LRRC37A2: variants seen among roughly 807,000 people sequenced by gnomAD.
LRRC37A2 encodes leucine rich repeat containing 37 member A2.
Under a neutral mutation model 68.8 loss-of-function variants are expected in LRRC37A2, and 9 were observed. The ratio of observed to expected loss-of-function variants is 0.13; its 90% CI spans 0.08 to 0.23. The LOEUF (loss-of-function observed/expected upper bound fraction) is 0.23, where lower values mean the gene tolerates loss of function less well. LRRC37A2 is among the 10% of genes least tolerant of loss of function. The pLI, the probability that LRRC37A2 is intolerant of heterozygous loss-of-function variation, is 1.00. For synonymous variants in LRRC37A2, 63 were observed against 367.6 expected, an observed-to-expected ratio of 0.17 and a Z score of 9.48; for missense variants, 168 against 950.4, an observed-to-expected ratio of 0.18 and a Z score of 10.82.
At chr17:47,030,079 AATAATAATAATCATCATC>A in the LRRC37A2 span, among the ~76,000 whole-genome samples, 1 of 41,930 alleles carries the variant, frequency 2.4e-5, no homozygotes, top group African/African-American at 9.1e-5. Context: ...TAATAATAAT[AATAATAATAATCATCATC>A]ATCATCATCA....
At chr17:46,744,262 A>C in the LRRC37A2 span, among the ~76,000 whole-genome samples, 2 of 152,260 alleles carry the variant, frequency 1.3e-5, no homozygotes, top group African/African-American at 4.8e-5. Flanking sequence ...TTAATGCTCC[A>C]ATTGGCTAAT....
At chr17:46,861,558 G>A in the LRRC37A2 span, among the ~76,000 whole-genome samples, 1 of 152,296 alleles carries the variant, frequency 6.6e-6, no homozygotes, top group East Asian at 1.9e-4. Context: ...ACACAAAGCA[G>A]AGAGCAGAGA....
the LRRC37A2 span, among the ~76,000 whole-genome samples, chr17:46,568,960 T>G: frequency 1.1e-5 from 1 of 89,444 alleles, no homozygotes; most frequent in South Asian, 3.7e-4. Flanking sequence ...TTTTTTTTTT[T>G]GAGATGGAGT....
chr17:47,046,237 G>A, the LRRC37A2 span, among the ~76,000 whole-genome samples: 7 of 133,182 alleles, frequency 5.3e-5, no homozygotes, highest in East Asian at 8.6e-4. Context: ...CCAGCTACTC[G>A]GGGGACTGAA....
the LRRC37A2 span, among the ~76,000 whole-genome samples, chr17:46,862,241 A>C: frequency 6.6e-6 from 1 of 152,060 alleles, no homozygotes; most frequent in African/African-American, 2.4e-5. Flanking sequence ...AGAACAAATA[A>C]ACTTAAAAAA....
the LRRC37A2 span, chr17:46,938,558 G>A: frequency 9.9e-6 from 16 of 1,612,836 alleles, no homozygotes; most frequent in East Asian, 2.0e-4. Flanking sequence ...TTGGTAAAGC[G>A]ACTTGATGTT....
chr17:47,030,095 ATCATC>A, the LRRC37A2 span, among the ~76,000 whole-genome samples: 1 of 94,206 alleles, frequency 1.1e-5, no homozygotes, highest in Non-Finnish European at 2.1e-5. Context: ...AATAATCATC[ATCATC>A]ATCATCATCA....
At chr17:46,707,958 G>A in the LRRC37A2 span, among the ~76,000 whole-genome samples, 28 of 151,800 alleles carry the variant, frequency 1.8e-4, no homozygotes, top group Non-Finnish European at 3.1e-4. Flanking sequence ...ATTTGGATCC[G>A]GGAGGTGGAG....
the LRRC37A2 span, among the ~76,000 whole-genome samples, chr17:46,819,198 C>T: frequency 1.3e-5 from 2 of 152,160 alleles, no homozygotes; most frequent in Admixed American, 6.5e-5. This position sits in a 1 kb window ranked among gnomAD's most constrained non-coding sequence, Gnocchi z 5.3. Flanking sequence ...GCACCCCCTC[C>T]CAGCTTCCAG....
the LRRC37A2 span, among the ~76,000 whole-genome samples, chr17:46,999,998 C>CAAAATAAAATAAAATAAAATAAATAAAT: frequency 6.2e-5 from 3 of 48,352 alleles, no homozygotes; most frequent in African/African-American, 2.2e-4. Flanking sequence ...GACTCCATCT[C>CAAAATAAAATAAAATAAAATAAATAAAT]AAAATAAAAT....
At chr17:46,786,937 TTTTC>T in the LRRC37A2 span, among the ~76,000 whole-genome samples, 2 of 150,032 alleles carry the variant, frequency 1.3e-5, no homozygotes, top group African/African-American at 5.0e-5. Context: ...TTCTTTTCTT[TTTTC>T]TTTTTTTTTT....
chr17:46,773,492 C>A, the LRRC37A2 span, among the ~76,000 whole-genome samples: 7 of 152,098 alleles, frequency 4.6e-5, no homozygotes, highest in Non-Finnish European at 7.4e-5. Flanking sequence ...CATCTCAAGG[C>A]GGCCCAGCCC....
the LRRC37A2 span, among the ~76,000 whole-genome samples, chr17:46,858,356 A>G: frequency 2.0e-5 from 3 of 152,170 alleles, no homozygotes; most frequent in African/African-American, 4.8e-5. Context: ...AATTTTGATG[A>G]AGTCCAGTGT....
chr17:46,896,452 A>AAGAAAGAAAGAAAGAAAAAGAAAGAAAG, the LRRC37A2 span, among the ~76,000 whole-genome samples: 1 of 65,880 alleles, frequency 1.5e-5, no homozygotes, highest in Non-Finnish European at 3.2e-5. Context: ...GAAAGAAAGA[A>AAGAAAGAAAGAAAGAAAAAGAAAGAAAG]AAAGAAAGAA....
At chr17:46,978,543 G>C in the LRRC37A2 span, 1 of 1,428,852 alleles carries the variant, frequency 7.0e-7, no homozygotes, top group Non-Finnish European at 9.3e-7. Flanking sequence ...GCACGTAGCT[G>C]CCCGCCCGGA....
chr17:46,901,989 G>A, the LRRC37A2 span, among the ~76,000 whole-genome samples: 55 of 152,176 alleles, frequency 3.6e-4, no homozygotes, highest in African/African-American at 1.3e-3. Context: ...TGTATTTTTA[G>A]TAGAGACAGG....
chr17:47,001,717 C>CTTTTT, the LRRC37A2 span, among the ~76,000 whole-genome samples: 45 of 108,570 alleles, frequency 4.1e-4, no homozygotes, highest in Middle Eastern at 5.6e-3. Context: ...CTCTTTTTTC[C>CTTTTT]TTTTTTTTTT....
chr17:46,939,509 G>C, the LRRC37A2 span: 1 of 985,982 alleles, frequency 1.0e-6, no homozygotes. Flanking sequence ...AAGGTTCAGA[G>C]ACTGTGGCTT....
At chr17:46,501,641 T>C in the LRRC37A2 span, among the ~76,000 whole-genome samples, 1 of 151,376 alleles carries the variant, frequency 6.6e-6, no homozygotes, top group East Asian at 1.9e-4. Flanking sequence ...TAAGCGGCCT[T>C]GTAGAAATCC....
Sources: gnomAD v4.1 joint callset for allele counts (sites outside exome capture counted in the v4.1 genomes callset) on GRCh38, gnomAD v4.1.1 for gene constraint, Gnocchi (gnomAD v3.1) non-coding constraint, MANE v1.5 for transcripts, NCBI Gene and HGNC (gene_info 2026-07-23, HGNC 2026-07-21) for gene names.